XKR4: variants seen among roughly 807,000 people sequenced by gnomAD.
The protein encoded by XKR4 is XK related 4.
Under a neutral mutation model 53.9 loss-of-function variants are expected in XKR4, and 12 were observed. The ratio of observed to expected loss-of-function variants is 0.22; its 90% confidence interval spans 0.14 to 0.36. XKR4 has a LOEUF of 0.36. Among genes scored for constraint, XKR4 ranks in the 10% least tolerant of loss-of-function variants. The pLI is 1.00. For missense variants in XKR4, 799 were observed against 859.5 expected (o/e 0.93, Z 0.88); for synonymous variants, 354 against 362.4 (o/e 0.98, Z 0.26).
chr8:55,509,591 A>T (rs557160907), intron 2 of XKR4, among the ~76,000 whole-genome samples: 1 of 152,334 alleles, frequency 6.6e-6, no homozygotes, highest in African/African-American at 2.4e-5. Context: ...ATCTCTCTAT[A>T]ATCATCCATG....
At chr8:55,422,372 G>C (rs1190327185) in intron 2 of XKR4, among the ~76,000 whole-genome samples, 2 of 152,202 alleles carry the variant, frequency 1.3e-5, no homozygotes, top group African/African-American at 2.4e-5. Context: ...TGTGTATATG[G>C]GTAGAGCACT....
At chr8:55,358,627 C>T (rs1315859450) in intron 2 of XKR4, among the ~76,000 whole-genome samples, 1 of 152,178 alleles carries the variant, frequency 6.6e-6, no homozygotes, top group African/African-American at 2.4e-5. Context: ...GGTGGGTAAG[C>T]AGGTGAATAC....
chr8:55,150,915 G>A (rs1338189393), intron 1 of XKR4, among the ~76,000 whole-genome samples: 2 of 152,194 alleles, frequency 1.3e-5, no homozygotes, highest in Non-Finnish European at 2.9e-5. Flanking sequence ...ATTTATGTCA[G>A]CAAGACAGCT....
At chr8:55,319,886 C>T (rs1803181562) in intron 1 of XKR4, among the ~76,000 whole-genome samples, 1 of 152,082 alleles carries the variant, frequency 6.6e-6, no homozygotes. Context: ...ATTGCAGGAT[C>T]CATAATCTGT....
chr8:55,281,041 AAGAC>A (rs1183493346), intron 1 of XKR4, among the ~76,000 whole-genome samples: 2 of 152,320 alleles, frequency 1.3e-5, no homozygotes, highest in East Asian at 3.9e-4. Flanking sequence ...TCTGGGAAGA[AAGAC>A]AGGTCTTTCA....
chr8:55,425,810 C>A (rs1805004106), intron 2 of XKR4, among the ~76,000 whole-genome samples: 1 of 152,200 alleles, frequency 6.6e-6, no homozygotes, highest in African/African-American at 2.4e-5. Flanking sequence ...TCTGTAACAG[C>A]CATTCTCTCT....
At chr8:55,301,389 A>C (rs1290158346) in intron 1 of XKR4, among the ~76,000 whole-genome samples, 20 of 151,798 alleles carry the variant, frequency 1.3e-4, no homozygotes, top group African/African-American at 2.9e-4. Flanking sequence ...TTAATCCAGT[A>C]TATCGTTGTT....
chr8:55,298,624 C>T (rs1819135367), intron 1 of XKR4, among the ~76,000 whole-genome samples: 1 of 152,112 alleles, frequency 6.6e-6, no homozygotes, highest in Admixed American at 6.6e-5. Flanking sequence ...TTCAGCACTT[C>T]CCACCAGGCC....
intron 2 of XKR4, among the ~76,000 whole-genome samples, chr8:55,393,209 T>C (rs911971480): frequency 6.6e-6 from 1 of 152,098 alleles, no homozygotes; most frequent in Non-Finnish European, 1.5e-5. Context: ...ATATGTCTCC[T>C]AAAATAATGC....
intron 1 of XKR4, among the ~76,000 whole-genome samples, chr8:55,323,208 A>G (rs1803241361): frequency 6.6e-6 from 1 of 152,208 alleles, no homozygotes; most frequent in African/African-American, 2.4e-5. Flanking sequence ...CTATTAATTT[A>G]TGTGTGGTAA....
intron 1 of XKR4, among the ~76,000 whole-genome samples, chr8:55,267,815 A>G (rs1382298072): frequency 6.6e-6 from 1 of 152,216 alleles, no homozygotes; most frequent in Non-Finnish European, 1.5e-5. Flanking sequence ...AGCTTCTTCC[A>G]TCCTGCACCT....
chr8:55,146,261 A>G (rs1365833642), intron 1 of XKR4, among the ~76,000 whole-genome samples: 5 of 152,224 alleles, frequency 3.3e-5, no homozygotes, highest in Admixed American at 1.3e-4. Flanking sequence ...AACCGCTGAC[A>G]TGAGCTTGGC....
chr8:55,233,029 G>A (rs1228021825), intron 1 of XKR4, among the ~76,000 whole-genome samples: 2 of 152,206 alleles, frequency 1.3e-5, no homozygotes, highest in Non-Finnish European at 2.9e-5. Context: ...GTGTATCTGC[G>A]TGGGAGGAAG....
chr8:55,383,069 C>T (rs1219827958), intron 2 of XKR4, among the ~76,000 whole-genome samples: 7 of 152,098 alleles, frequency 4.6e-5, no homozygotes, highest in South Asian at 4.2e-4. Context: ...AAAAATTAGC[C>T]GGGTGTGGTG....
At chr8:55,191,358 T>C (rs376492169) in intron 1 of XKR4, among the ~76,000 whole-genome samples, 1 of 152,216 alleles carries the variant, frequency 6.6e-6, no homozygotes, top group South Asian at 2.1e-4. Context: ...GTTCAATTTA[T>C]ATTTACTGGT....
chr8:55,379,931 C>CA (rs1223926004), intron 2 of XKR4, among the ~76,000 whole-genome samples: 2 of 152,210 alleles, frequency 1.3e-5, no homozygotes, highest in Non-Finnish European at 2.9e-5. Flanking sequence ...GAAACTACCT[C>CA]AAGTGTTATG....
intron 2 of XKR4, among the ~76,000 whole-genome samples, chr8:55,396,077 G>C (rs935672582): frequency 6.6e-6 from 1 of 152,162 alleles, no homozygotes; most frequent in African/African-American, 2.4e-5. Flanking sequence ...CTCACGTCCT[G>C]ACCACCTCCT....
intron 1 of XKR4, chr8:55,164,590 G>T (rs755002497): frequency 2.8e-6 from 1 of 352,158 alleles, no homozygotes; most frequent in Non-Finnish European, 5.7e-6. Flanking sequence ...CATGGGCCTA[G>T]CCCTGAGATG....
At chr8:55,294,815 C>T (rs1265218925) in intron 1 of XKR4, among the ~76,000 whole-genome samples, 1 of 152,140 alleles carries the variant, frequency 6.6e-6, no homozygotes, top group Non-Finnish European at 1.5e-5. Context: ...TCTGGCTGTG[C>T]AATCGATGAC....
Sources: allele counts gnomAD v4.1 joint callset (sites outside exome capture counted in the v4.1 genomes callset), GRCh38; gene constraint gnomAD v4.1.1; transcripts MANE v1.5; gene names NCBI Gene and HGNC (gene_info 2026-07-23, HGNC 2026-07-21).